SAXO1: variants seen among roughly 807,000 people sequenced by gnomAD.
SAXO1 encodes 4930500O09Rik.
In SAXO1, 21 loss-of-function variants were observed where a neutral mutation model predicts 17.5. The observed-to-expected ratio is 1.20, with a 90% CI of 0.85 to 1.72. The LOEUF (loss-of-function observed/expected upper bound fraction) is 1.72. SAXO1 is among the 40% of genes most tolerant of loss of function. The pLI is 0.00. For synonymous variants in SAXO1, 274 were observed against 216.5 expected, an observed-to-expected ratio of 1.27 and a Z score of -2.33; for missense variants, 843 against 596.0, an observed-to-expected ratio of 1.41 and a Z score of -4.32.
At chr9:18,929,079 AT>A (rs775269361) in intron 3 of SAXO1, 24 bp from the exon 4 acceptor site, 1 of 1,607,592 alleles carries the variant, frequency 6.2e-7, no homozygotes, top group East Asian at 2.2e-5. Context: ...AGAAGAGGTA[AT>A]TAATAATAAA....
At chr9:18,970,917 G>A (rs958202923) in intron 1 of SAXO1, among the ~76,000 whole-genome samples, 8 of 152,132 alleles carry the variant, frequency 5.3e-5, no homozygotes, top group African/African-American at 1.2e-4. Flanking sequence ...CTTAGCCTCC[G>A]TGTCAGGTTT....
intron 1 of SAXO1, among the ~76,000 whole-genome samples, chr9:19,041,245 G>C (rs1164284374): frequency 6.7e-6 from 1 of 149,414 alleles, no homozygotes; most frequent in Admixed American, 6.7e-5. Flanking sequence ...CCATGGAAGT[G>C]AAAGAGCTCT....
At chr9:19,031,537 C>T (rs7855250) in intron 1 of SAXO1, among the ~76,000 whole-genome samples, 9 of 151,950 alleles carry the variant, frequency 5.9e-5, no homozygotes, top group South Asian at 2.1e-4. Context: ...CTCCAGCCTG[C>T]GCAACAGAGC....
At chr9:19,018,562 T>C (rs10963907) in intron 1 of SAXO1, among the ~76,000 whole-genome samples, 71,286 of 152,070 alleles carry the variant, frequency 0.47, 17,842 homozygotes, top group Non-Finnish European at 0.56. Context: ...ACAAAAGTAT[T>C]GCTTCACGTC....
In SAXO1 at chr9:19,032,916, A is replaced by G. The variant is rs756602586; in HGVS notation, c.-8T>C. On this transcript the variant is annotated 5_prime_UTR_variant, in exon 1 of 4. Transcript: ENST00000380534. ...GATGCACTTCGTCTTCATAGGGGCG[A>G]TCCTGAGGCCCTGACGTCCCCTCAG... 1 of 1,608,124 alleles carries G rather than the reference A, an allele frequency of 6.2e-7. No individual in the cohort carries two copies. Among genetic ancestry groups the G allele is most frequent in the Non-Finnish European group, 8.5e-7 (1 of 1,179,008 alleles).
chr9:19,019,655 G>C (rs1031397777), intron 1 of SAXO1, among the ~76,000 whole-genome samples: 2 of 152,130 alleles, frequency 1.3e-5, no homozygotes, highest in Admixed American at 6.5e-5. Context: ...ACTTGAGCCA[G>C]GGAGGCAGAG....
intron 1 of SAXO1, among the ~76,000 whole-genome samples, chr9:19,019,378 T>C (rs774247632): frequency 3.3e-5 from 5 of 152,236 alleles, no homozygotes; most frequent in East Asian, 1.9e-4. Flanking sequence ...TCCTGCCCAA[T>C]GTAGGAGCCC....
intron 1 of SAXO1, among the ~76,000 whole-genome samples, chr9:18,965,938 G>C (rs968306797): frequency 6.6e-6 from 1 of 152,170 alleles, no homozygotes; most frequent in African/African-American, 2.4e-5. Flanking sequence ...AGGCAGGGCT[G>C]GTAGTGACAC....
At chr9:18,955,353 A>G (rs1832215164) in intron 1 of SAXO1, among the ~76,000 whole-genome samples, 1 of 152,232 alleles carries the variant, frequency 6.6e-6, no homozygotes, top group Non-Finnish European at 1.5e-5. Flanking sequence ...TTCTTACTAC[A>G]CTTCAAAATC....
At chr9:19,006,738 G>A (rs1324275182) in intron 1 of SAXO1, among the ~76,000 whole-genome samples, 1 of 152,172 alleles carries the variant, frequency 6.6e-6, no homozygotes, top group Non-Finnish European at 1.5e-5. Flanking sequence ...TCACAGAATT[G>A]TACATTTTTA....
chr9:19,044,878 C>T (rs1366922203), intron 1 of SAXO1, among the ~76,000 whole-genome samples: 1 of 151,980 alleles, frequency 6.6e-6, no homozygotes, highest in Non-Finnish European at 1.5e-5. Flanking sequence ...AAAACGAAAG[C>T]TGAATCCTTA....
intron 1 of SAXO1, among the ~76,000 whole-genome samples, chr9:19,014,363 G>A (rs930394657): frequency 5.4e-5 from 8 of 149,098 alleles, no homozygotes; most frequent in African/African-American, 2.0e-4. Context: ...TCGGCAGGCT[G>A]AGGCACAAGA....
At chr9:18,984,284 G>A (rs567380746) in intron 1 of SAXO1, among the ~76,000 whole-genome samples, 82 of 152,276 alleles carry the variant, frequency 5.4e-4, no homozygotes, top group African/African-American at 1.7e-3. Flanking sequence ...ATGGGCATCC[G>A]CTTCAACATC....
At chr9:19,018,279 TG>T (rs1385143140) in intron 1 of SAXO1, among the ~76,000 whole-genome samples, 1 of 152,220 alleles carries the variant, frequency 6.6e-6, no homozygotes, top group Non-Finnish European at 1.5e-5. Flanking sequence ...AAATTCTTTT[TG>T]GGGAAGAAAA....
intron 1 of SAXO1, among the ~76,000 whole-genome samples, chr9:19,045,216 A>C (rs1292292088): frequency 6.8e-6 from 1 of 146,180 alleles, no homozygotes; most frequent in African/African-American, 2.5e-5. Context: ...AGGCTGAGGC[A>C]GGAGAATGGC....
At chr9:18,990,597 T>G (rs940235848) in intron 1 of SAXO1, among the ~76,000 whole-genome samples, 1 of 152,138 alleles carries the variant, frequency 6.6e-6, no homozygotes, top group Non-Finnish European at 1.5e-5. Flanking sequence ...CCCTGGGCCA[T>G]GGACCAGTAC....
chr9:19,008,526 C>G (rs892142097), intron 1 of SAXO1, among the ~76,000 whole-genome samples: 3 of 152,112 alleles, frequency 2.0e-5, no homozygotes, highest in South Asian at 4.1e-4. Flanking sequence ...TGAGGGTGAA[C>G]AGGGGAGGAG....
chr9:19,028,039 C>T, intron 1 of SAXO1: 2 of 1,610,526 alleles, frequency 1.2e-6, no homozygotes, highest in South Asian at 1.1e-5. Flanking sequence ...GATCGCACTG[C>T]GCAGGGGTGC....
chr9:18,986,414 C>A (rs181170223), intron 1 of SAXO1, among the ~76,000 whole-genome samples: 2 of 152,234 alleles, frequency 1.3e-5, no homozygotes, highest in East Asian at 3.9e-4. Flanking sequence ...AACAGGATAA[C>A]TGTATTTTCA....
Sources: gnomAD v4.1 joint callset for allele counts (sites outside exome capture counted in the v4.1 genomes callset) on GRCh38, gnomAD v4.1.1 for gene constraint, MANE v1.5 for transcripts, NCBI Gene and HGNC (gene_info 2026-07-23, HGNC 2026-07-21) for gene names.